CYP3A5: variants seen among roughly 807,000 people sequenced by gnomAD.
The protein encoded by CYP3A5 is cytochrome P450 3A5.
Under a neutral mutation model 55.9 loss-of-function variants are expected in CYP3A5, and 51 were observed. That is an observed-to-expected ratio of 0.91 (90% CI 0.73 to 1.15). The LOEUF (loss-of-function observed/expected upper bound fraction) is 1.15, where lower values mean the gene tolerates loss of function less well. Among genes scored for constraint, CYP3A5 ranks in the 50% most tolerant of loss-of-function variants. The pLI, the probability that CYP3A5 is intolerant of heterozygous loss-of-function variation, is 0.00. For missense variants in CYP3A5, 533 were observed against 596.6 expected, an observed-to-expected ratio of 0.89 and a Z score of 1.11; for synonymous variants, 196 against 213.9, an observed-to-expected ratio of 0.92 and a Z score of 0.73.
chr7:99,677,982 A>G (rs921317076), intron 1 of CYP3A5, among the ~76,000 whole-genome samples: 1 of 152,228 alleles, frequency 6.6e-6, no homozygotes, highest in South Asian at 2.1e-4. Context: ...GTTTCTTTCC[A>G]GCTCCCCTCT....
intron 12 of CYP3A5, 33 bp downstream of exon 12, chr7:99,650,040 A>T: frequency 6.2e-7 from 1 of 1,611,254 alleles, no homozygotes; most frequent in Non-Finnish European, 8.5e-7. Flanking sequence ...AGTTAAAAAA[A>T]TTCTTAATAA....
In CYP3A5 at chr7:99,664,103, A is replaced by G. The variant is rs1810726682; in HGVS notation, c.671-8T>C. ...TAAGGAATGGAAAGAGTACTGTGGGAAAAACAAAACAAACAAAAGGAAATC... is the reference window on the plus strand; with the variant it reads ...TAAGGAATGGAAAGAGTACTGTGGGGAAAACAAAACAAACAAAAGGAAATC... On this transcript the variant is annotated splice_region_variant and splice_polypyrimidine_tract_variant and intron_variant, in intron 7 of 12. Transcript: ENST00000222982. The G allele has an allele frequency of 1.9e-6, 3 of 1,559,754 alleles. No homozygotes were observed. The African/African-American group carries it at 4.2e-5, about 22-fold the overall frequency.
intron 9 of CYP3A5, 71 bp from the exon 10 acceptor site, chr7:99,660,730 A>AGCT: frequency 1.3e-6 from 2 of 1,555,358 alleles, no homozygotes; most frequent in South Asian, 1.1e-5. Context: ...ATGAAATCTA[A>AGCT]GTGAAGCTCT....
At chr7:99,659,004 T>A (rs1350194176) in intron 10 of CYP3A5, 1 of 152,234 alleles carries the variant, frequency 6.6e-6, no homozygotes, top group Non-Finnish European at 1.5e-5. Flanking sequence ...TCAAGGTTTT[T>A]AACTTCTTTG....
intron 10 of CYP3A5, among the ~76,000 whole-genome samples, chr7:99,657,833 T>C (rs1313345535): frequency 6.6e-6 from 1 of 152,226 alleles, no homozygotes; most frequent in African/African-American, 2.4e-5. Context: ...TTTACCATTA[T>C]GTAATGGCCT....
At chr7:99,656,206 G>A (rs970604264) in intron 10 of CYP3A5, among the ~76,000 whole-genome samples, 8 of 152,158 alleles carry the variant, frequency 5.3e-5, no homozygotes, top group African/African-American at 1.7e-4. Context: ...GTATGATATT[G>A]GCTGTGGGTT....
intron 12 of CYP3A5, among the ~76,000 whole-genome samples, chr7:99,649,346 C>T (rs1202841793): frequency 6.6e-6 from 1 of 152,170 alleles, no homozygotes; most frequent in African/African-American, 2.4e-5. Flanking sequence ...ATACACCGGT[C>T]CTGGAAATAA....
chr7:99,655,976 T>G (rs1166667975), intron 10 of CYP3A5, among the ~76,000 whole-genome samples: 7 of 152,238 alleles, frequency 4.6e-5, no homozygotes, highest in Non-Finnish European at 1.0e-4. Flanking sequence ...AAGGAGATTT[T>G]GGGCTGAGAC....
At chr7:99,650,709 TC>T (rs915301580) in intron 11 of CYP3A5, among the ~76,000 whole-genome samples, 1 of 151,980 alleles carries the variant, frequency 6.6e-6, no homozygotes, top group African/African-American at 2.4e-5. Flanking sequence ...CTAATTCCCC[TC>T]CTCCTCCTCT....
chr7:99,652,635 C>T lies in CYP3A5; in HGVS notation c.1171G>A (p.Gly391Arg). The T allele has an allele frequency of 6.2e-7, 1 of 1,614,070 alleles. No individual in the cohort carries two copies. The highest frequency in any genetic ancestry group is 8.5e-7 in the Non-Finnish European group (1 of 1,179,986). Residue 391 changes from glycine (G) to arginine (R), a missense_variant, in exon 11 of 13, where the codon GGG becomes AGG. Coordinates refer to ENST00000222982, the MANE Select transcript of CYP3A5 (RefSeq NM_000777.5). Reference protein sequence around the residue: ...VEINGVFIPKGSMVVIPTYAL... With the variant: ...VEINGVFIPKRSMVVIPTYAL... Reference sequence around the variant, plus strand: ...TAAGTTGGAATCACCACCATTGACCCTTTGGGAATGAATACCCCATTGATT... The same window carrying T: ...TAAGTTGGAATCACCACCATTGACCTTTTGGGAATGAATACCCCATTGATT...
At chr7:99,657,072 C>T (rs1809820529) in intron 10 of CYP3A5, among the ~76,000 whole-genome samples, 1 of 152,028 alleles carries the variant, frequency 6.6e-6, no homozygotes, top group Non-Finnish European at 1.5e-5. Context: ...TTTTTTGTGT[C>T]TCTGTTTCCT....
intron 4 of CYP3A5, among the ~76,000 whole-genome samples, chr7:99,669,257 A>G (rs531879344): frequency 1.3e-5 from 2 of 152,352 alleles, no homozygotes; most frequent in South Asian, 2.1e-4. Flanking sequence ...TTCAAAGACT[A>G]CAATTTGAAG....
chr7:99,676,680 C>T (rs1266340856), intron 1 of CYP3A5: 2 of 621,250 alleles, frequency 3.2e-6, no homozygotes, highest in Non-Finnish European at 5.5e-6. Flanking sequence ...CCTATGGTGA[C>T]ACTGCCCTTA....
rs148176345 is a variant in CYP3A5 at position 99,662,879 on chromosome 7, G to A, written c.802C>T (p.Arg268Ter). Reference protein sequence around the residue: ...KSRLNDKQKHRLDFLQLMIDS... With the variant: ...KSRLNDKQKH ...ATCATCAGCTGAAGGAAATCTAGTC[G>A]GTGCTAGAAGCAAAAGGAGAGATTT... Residue 268 changes from arginine (R) to a stop codon, truncating the protein, a stop_gained, in exon 9 of 13, where the codon CGA (arginine) becomes TGA (stop). Transcript: ENST00000222982. LOFTEE classifies it high-confidence loss of function. The surrounding 1 kb of genome is among the most constrained non-coding windows in gnomAD (Gnocchi z 4.3). The A allele has an allele frequency of 1.1e-4, 173 of 1,613,522 alleles. 1 individual carries two copies. The highest frequency in any genetic ancestry group is 1.7e-4 in the African/African-American group (13 of 74,852).
At chr7:99,663,917 C>G in intron 8 of CYP3A5, 51 bp downstream of exon 8, 1 of 1,543,512 alleles carries the variant, frequency 6.5e-7, no homozygotes, top group Non-Finnish European at 8.7e-7. Context: ...TGTATAAAAT[C>G]TAAATTTATC....
At chr7:99,668,711 AT>A (rs1811280619) in intron 4 of CYP3A5, among the ~76,000 whole-genome samples, 2 of 152,254 alleles carry the variant, frequency 1.3e-5, no homozygotes, top group Non-Finnish European at 2.9e-5. Flanking sequence ...CGTGAAGTGA[AT>A]TGTGACAAAG....
chr7:99,654,763 A>G (rs1434518823), intron 10 of CYP3A5, among the ~76,000 whole-genome samples: 1 of 152,152 alleles, frequency 6.6e-6, no homozygotes, highest in Non-Finnish European at 1.5e-5. Context: ...TGACTTTTTA[A>G]TGATCGCCAT....
chr7:99,649,457 TAA>T (rs1808948990), intron 12 of CYP3A5, among the ~76,000 whole-genome samples: 1 of 152,208 alleles, frequency 6.6e-6, no homozygotes, highest in African/African-American at 2.4e-5. Context: ...ACCTGGAACA[TAA>T]GGTCAAGGAG....
At chr7:99,660,739 C>G in intron 9 of CYP3A5, 80 bp from the exon 10 acceptor site, 4 of 1,516,002 alleles carry the variant, frequency 2.6e-6, no homozygotes, top group Non-Finnish European at 3.6e-6. Flanking sequence ...AAGTGAAGCT[C>G]TCTAATCCCA....
Sources: gnomAD v4.1 joint callset for allele counts (sites outside exome capture counted in the v4.1 genomes callset) on GRCh38, gnomAD v4.1.1 for gene constraint, Gnocchi (gnomAD v3.1) non-coding constraint, MANE v1.5 for transcripts, NCBI Gene and HGNC (gene_info 2026-07-23, HGNC 2026-07-21) for gene names.